Variants in BSND observed in about 807,000 individuals in gnomAD.
The protein encoded by BSND is barttin.
Under a neutral mutation model 18.8 loss-of-function variants are expected in BSND, and 13 were observed. That is an observed-to-expected ratio of 0.69 (90% CI 0.45 to 1.10). The LOEUF is 1.10. BSND is among the 50% of genes least tolerant of loss of function. The pLI, the probability that BSND is intolerant of heterozygous loss-of-function variation, is 0.00. For synonymous variants in BSND, 170 were observed against 161.8 expected (o/e 1.05, Z -0.39); for missense variants, 379 against 416.7 (o/e 0.91, Z 0.79).
At chr1:55,007,969 T>C (rs1408317864) in intron 3 of BSND, among the ~76,000 whole-genome samples, 3 of 152,202 alleles carry the variant, frequency 2.0e-5, no homozygotes, top group Admixed American at 2.0e-4. Context: ...GTTCAGATAA[T>C]AGCATAGTAA....
In BSND at chr1:55,008,652, A is replaced by C. The variant is rs6682884; in HGVS notation, c.*24A>C. 663,521 of 1,613,536 alleles carry C rather than the reference A, an allele frequency of 0.41. 139,783 individuals carry two copies. The highest frequency in any genetic ancestry group is 0.49 in the African/African-American group (36,953 of 74,934). On this transcript the variant is annotated 3_prime_UTR_variant, in exon 4 of 4. Transcript: ENST00000651561. ...GAGATGTTTGTGCTCCGTAGCTTCT[A>C]GTCTGGAACTGCTGCTGACCCCTGT...
intron 1 of BSND, among the ~76,000 whole-genome samples, 184 bp downstream of exon 1, chr1:54,999,547 C>T (rs1381855254): frequency 6.6e-6 from 1 of 152,088 alleles, no homozygotes; most frequent in Non-Finnish European, 1.5e-5. Flanking sequence ...ATCCATCCAT[C>T]CATCCATCCA....
Position 54,999,147 on chromosome 1 carries a change from T to C in BSND, c.-40T>C. 6 of 1,609,802 alleles carry C rather than the reference T, an allele frequency of 3.7e-6. No individual in the cohort carries two copies. The highest frequency in any genetic ancestry group is 5.1e-6 in the Non-Finnish European group (6 of 1,177,956). On this transcript the variant is annotated 5_prime_UTR_variant, in exon 1 of 4. Coordinates refer to ENST00000651561, the MANE Select transcript of BSND (RefSeq NM_057176.3). ...TTTAGGCTGAACTACAGCCACCCCC[T>C]CTCCCGGGGGTGTGCAGGCCAGGGA...
chr1:55,001,632 A>G (rs1644362257), intron 1 of BSND, among the ~76,000 whole-genome samples: 1 of 152,144 alleles, frequency 6.6e-6, no homozygotes, highest in Admixed American at 6.5e-5. Flanking sequence ...TTAGCTAATT[A>G]GGATATAGGG....
At chr1:55,003,593 A>T (rs1282709521) in intron 1 of BSND, among the ~76,000 whole-genome samples, 1 of 152,132 alleles carries the variant, frequency 6.6e-6, no homozygotes, top group Non-Finnish European at 1.5e-5. Flanking sequence ...GCTCTATGGG[A>T]AGGGGAATAG....
intron 3 of BSND, 56 bp downstream of exon 3, chr1:55,007,328 A>G: frequency 1.0e-6 from 1 of 981,870 alleles, no homozygotes. Context: ...GTTAAAAAGG[A>G]GAGGAGTGGG....
At position 55,015,047 on chromosome 1, in the gene BSND, G is replaced by A. The variant is rs1334340406; in HGVS notation, c.*6419G>A. ...ATGGGGCTTCTTGAATTCCTGCCAC[G>A]GAGCTCAGATTTGTTCTGATGGGCA... On this transcript the variant is annotated 3_prime_UTR_variant, in exon 4 of 4. Coordinates refer to ENST00000651561, the MANE Select transcript of BSND (RefSeq NM_057176.3). Among the ~76,000 whole-genome samples, 8 of 152,156 alleles carry A rather than the reference G, an allele frequency of 5.3e-5. No homozygotes were observed. Among genetic ancestry groups the A allele is most frequent in the African/African-American group, 1.7e-4 (7 of 41,432 alleles).
rs749976995 is a variant in BSND at position 55,007,286 on chromosome 1, G to A, written c.548+14G>A. The A allele has an allele frequency of 1.3e-6, 2 of 1,586,290 alleles. No homozygotes were observed. Among genetic ancestry groups the A allele is most frequent in the Non-Finnish European group, 1.7e-6 (2 of 1,163,906 alleles). On this transcript the variant is annotated intron_variant, in intron 3 of 3. Coordinates refer to ENST00000651561, the MANE Select transcript of BSND (RefSeq NM_057176.3). ...GAGCTGGCCCGGGTGAGTGCTTAGA[G>A]GGCAGGAGTGGGGCTTCTGCCCAGT...
intron 1 of BSND, among the ~76,000 whole-genome samples, chr1:55,001,441 A>C (rs914864977): frequency 1.3e-5 from 2 of 152,000 alleles, no homozygotes; most frequent in African/African-American, 4.8e-5. Flanking sequence ...GCACCTTATA[A>C]ACCAGGGAGA....
chr1:55,012,265 T>C lies in BSND; in HGVS notation c.*3637T>C, dbSNP rs540794125. Among the ~76,000 whole-genome samples the C allele has an allele frequency of 2.6e-5, 4 of 152,316 alleles. No homozygotes were observed. The East Asian group carries it at 7.7e-4, about 29-fold the overall frequency. On this transcript the variant is annotated 3_prime_UTR_variant, in exon 4 of 4. Coordinates refer to ENST00000651561, the MANE Select transcript of BSND (RefSeq NM_057176.3). ...AGATTCCACTTCTGCTCCCAGTCCC[T>C]GAGCACTGTGTGCCTGTCACCATGC...
At position 55,009,987 on chromosome 1, in the gene BSND, G is replaced by A. The variant is rs919015894; in HGVS notation, c.*1359G>A. 2.0e-5 allele frequency: 3 copies of A among 152,316 alleles called. No individual in the cohort carries two copies. The highest frequency in any genetic ancestry group is 7.2e-5 in the African/African-American group (3 of 41,464). The allele number at this position is 152,316 out of a possible 1,614,324, so 9.4% of individuals were successfully genotyped here. ...GCACAGGAGATGGAAGTTGCAGTGA[G>A]CCGAGATCGCACCACTGCACTCCGG... is the stretch of plus-strand genomic sequence containing the variant. On this transcript the variant is annotated 3_prime_UTR_variant, in exon 4 of 4. Coordinates refer to ENST00000651561, the MANE Select transcript of BSND (RefSeq NM_057176.3).
At position 55,005,018 on chromosome 1, in the gene BSND, GC is replaced by G; in HGVS notation, c.178-3del. On this transcript the variant is annotated splice_polypyrimidine_tract_variant and splice_region_variant and intron_variant, in intron 1 of 3. Coordinates refer to ENST00000651561, the MANE Select transcript of BSND (RefSeq NM_057176.3). ...CACAGAGGCTGTCTCTCCTTTGCTT[GC>G]AGATCACCTTCGTCCCTGCTGACTC... 6.2e-7 allele frequency: 1 copy of G among 1,614,122 alleles called. No individual in the cohort carries two copies. Among genetic ancestry groups the G allele is most frequent in the Non-Finnish European group, 8.5e-7 (1 of 1,179,980 alleles).
rs2100209371 is a variant in BSND, at chr1:55,008,113, GT to G, written c.549-100del. ...TGGGAAGAAACTGAGGCCCGGGAAG[GT>G]GGATTATCCTACCCTAGGTCTTGCA... On this transcript the variant is annotated intron_variant, in intron 3 of 3. Transcript: ENST00000651561. The G allele has an allele frequency of 3.1e-6, 3 of 969,208 alleles. No homozygotes were observed. In the East Asian group the frequency reaches 7.7e-5, roughly 25 times the overall value. The allele number at this position is 969,208 out of a possible 1,614,324, so 60.0% of individuals were successfully genotyped here.
chr1:55,017,006 A>G lies in BSND; in HGVS notation c.*8378A>G, dbSNP rs1644454533. ...TCTCTCCTTTGTAGCATTTATTACC[A>G]TCATAATTTTACATTTCTTTGTGAA... is the stretch of plus-strand genomic sequence containing the variant. On this transcript the variant is annotated 3_prime_UTR_variant, in exon 4 of 4. Transcript: ENST00000651561. 6.6e-6 allele frequency among the ~76,000 whole-genome samples: 1 copy of G among 152,162 alleles called. No individual in the cohort carries two copies. The highest frequency in any genetic ancestry group is 6.5e-5 in the Admixed American group (1 of 15,280).
rs1644410618 is a variant in BSND at position 55,009,480 on chromosome 1, C to G, written c.*852C>G. 6.6e-6 allele frequency: 1 copy of G among 152,226 alleles called. No individual in the cohort carries two copies. The highest frequency in any genetic ancestry group is 6.5e-5 in the Admixed American group (1 of 15,274). The allele number at this position is 152,226 out of a possible 1,614,324, so 9.4% of individuals were successfully genotyped here. A position where few individuals can be genotyped will look rare whatever the true frequency, so the allele number is the denominator to read the frequency against. ...GTGCCCAGATGGGCCTTTGGCCTGG[C>G]CCAGAATCGGTGGTCATCAAGGGTG... On this transcript the variant is annotated 3_prime_UTR_variant, in exon 4 of 4. Transcript: ENST00000651561.
chr1:55,005,081 C>A lies in BSND; in HGVS notation c.237C>A (p.Gly79=), dbSNP rs528075528. The part of the protein sequence containing the change: ...FQGILSPKAM[G]LLENGLAAEM... The stretch of plus-strand genomic sequence containing the variant: ...GCATCCTCTCCCCAAAGGCCATGGG[C>A]CTGCTGGAGAATGGGCTTGCTGCCG... The change falls in exon 2 of 4, where the codon GGC becomes GGA. Residue 79 remains glycine, a synonymous_variant. Transcript: ENST00000651561. The A allele has an allele frequency of 6.2e-7, 1 of 1,614,088 alleles. No homozygotes were observed. The highest frequency in any genetic ancestry group is 1.7e-5 in the Admixed American group (1 of 60,014).
rs1644447915 is a variant in BSND at position 55,015,936 on chromosome 1, C to G, written c.*7308C>G. On this transcript the variant is annotated 3_prime_UTR_variant, in exon 4 of 4. Coordinates refer to ENST00000651561, the MANE Select transcript of BSND (RefSeq NM_057176.3). Reference sequence around the variant, plus strand: ...GGGAGGGAGAACAGCTTGGGCGAAGCCTCCAGCCCTGAGCCACCCCACCAC... The same window carrying G: ...GGGAGGGAGAACAGCTTGGGCGAAGGCTCCAGCCCTGAGCCACCCCACCAC... Among the ~76,000 whole-genome samples the G allele has an allele frequency of 6.6e-6, 1 of 152,224 alleles. No individual in the cohort carries two copies.
rs1644396289 is a variant in BSND at position 55,007,244 on chromosome 1, G to GA, written c.523dup (p.Arg175LysfsTer26). 6.2e-7 allele frequency: 1 copy of GA among 1,607,742 alleles called. No individual in the cohort carries two copies. Among genetic ancestry groups the GA allele is most frequent in the African/African-American group, 1.3e-5 (1 of 74,656 alleles). ...CAAGGGCTCAGACGAGAGTGAAGGGGAAAGACGCCTAACTCAGAGCTGGCC... is the reference window on the plus strand; with the variant it reads ...CAAGGGCTCAGACGAGAGTGAAGGGGAAAAGACGCCTAACTCAGAGCTGGCC... On this transcript the variant is annotated frameshift_variant, in exon 3 of 4. Coordinates refer to ENST00000651561, the MANE Select transcript of BSND (RefSeq NM_057176.3). LOFTEE classifies it low-confidence loss of function (END_TRUNC).
intron 3 of BSND, 135 bp downstream of exon 3, chr1:55,007,407 A>C (rs1232250774): frequency 9.3e-7 from 1 of 1,069,926 alleles, no homozygotes; most frequent in Non-Finnish European, 1.3e-6. Flanking sequence ...GGACACCCTG[A>C]GATGTGGCAG....
Sources: allele counts gnomAD v4.1 joint callset (sites outside exome capture counted in the v4.1 genomes callset), GRCh38; gene constraint gnomAD v4.1.1; transcripts MANE v1.5; gene names NCBI Gene and HGNC (gene_info 2026-07-23, HGNC 2026-07-21).